EPHB2: variants seen among roughly 807,000 people sequenced by gnomAD.
EPHB2 encodes ephrin type-B receptor 2.
Under a neutral mutation model 96.4 loss-of-function variants are expected in EPHB2, and 18 were observed. That is an observed-to-expected ratio of 0.19 (90% CI 0.13 to 0.28). The LOEUF (loss-of-function observed/expected upper bound fraction) is 0.28. EPHB2 is among the 10% of genes least tolerant of loss of function. The pLI, the probability that EPHB2 is intolerant of heterozygous loss-of-function variation, is 1.00. For synonymous variants in EPHB2, 506 were observed against 534.1 expected, an observed-to-expected ratio of 0.95 and a Z score of 0.72; for missense variants, 989 against 1,355.4, an observed-to-expected ratio of 0.73 and a Z score of 4.25.
intron 1 of EPHB2, among the ~76,000 whole-genome samples, chr1:22,765,999 T>C (rs2817884): frequency 0.99 from 151,275 of 152,278 alleles, 75,147 homozygotes; most frequent in Middle Eastern, 1. Context: ...ATTCCCTGTT[T>C]GTGGCATCCT....
chr1:22,746,626 C>T (rs557385890), intron 1 of EPHB2, among the ~76,000 whole-genome samples: 6 of 152,316 alleles, frequency 3.9e-5, no homozygotes, highest in South Asian at 4.1e-4. Flanking sequence ...CTTCCATGAT[C>T]GACCACCTAC....
chr1:22,852,864 C>T (rs1452085942), intron 3 of EPHB2, among the ~76,000 whole-genome samples: 1 of 152,134 alleles, frequency 6.6e-6, no homozygotes, highest in Non-Finnish European at 1.5e-5. Flanking sequence ...CAGTGGCTGC[C>T]CTCATGGAGC....
chr1:22,909,217 G>C, intron 13 of EPHB2, 46 bp downstream of exon 13: 5 of 1,613,872 alleles, frequency 3.1e-6, no homozygotes, highest in Non-Finnish European at 4.2e-6. Context: ...CCCACCAGAT[G>C]GGAGAGGGAA....
At chr1:22,821,376 A>G (rs979736683) in intron 3 of EPHB2, among the ~76,000 whole-genome samples, 1 of 152,192 alleles carries the variant, frequency 6.6e-6, no homozygotes, top group Non-Finnish European at 1.5e-5. Flanking sequence ...TGGGACAATC[A>G]TCAGTGACTT....
At chr1:22,807,021 G>A (rs546600896) in intron 3 of EPHB2, among the ~76,000 whole-genome samples, 1 of 152,316 alleles carries the variant, frequency 6.6e-6, no homozygotes, top group Non-Finnish European at 1.5e-5. Flanking sequence ...CAGCTAGGCG[G>A]GGGAGCAGGA....
chr1:22,844,467 A>G (rs1645513051), intron 3 of EPHB2, among the ~76,000 whole-genome samples: 2 of 152,210 alleles, frequency 1.3e-5, no homozygotes, highest in Admixed American at 6.5e-5. Context: ...GCAGCTGTCT[A>G]TAGTGAGAGG....
At chr1:22,842,417 A>T (rs1347293257) in intron 3 of EPHB2, among the ~76,000 whole-genome samples, 1 of 151,908 alleles carries the variant, frequency 6.6e-6, no homozygotes, top group Non-Finnish European at 1.5e-5. Context: ...GTTAGATCTG[A>T]CCGCCCCTTT....
chr1:22,912,308 A>C, intron 14 of EPHB2, 136 bp from the exon 15 acceptor site: 1 of 1,261,654 alleles, frequency 7.9e-7, no homozygotes, highest in Non-Finnish European at 1.1e-6. Flanking sequence ...ATACTCACGT[A>C]CATACCCCTT....
At position 22,907,813 on chromosome 1, in the gene EPHB2, C is replaced by T. The variant is rs111404899; in HGVS notation, c.2137-140C>T. The T allele has an allele frequency of 3.4e-5, 35 of 1,041,808 alleles. No individual in the cohort carries two copies. In the African/African-American group the frequency reaches 3.8e-4, roughly 11 times the overall value. 64.5% of individuals were successfully genotyped at this position (1,041,808 alleles called of 1,614,324 possible). On this transcript the variant is annotated intron_variant, in intron 11 of 15. Coordinates refer to ENST00000374630, the MANE Select transcript of EPHB2 (RefSeq NM_017449.5). The stretch of plus-strand genomic sequence containing the variant: ...GCCTCTGACGGGCCTCTCTGGGGTC[C>T]CAAAGCATCTGAGTCCTTCCCCAGG...
intron 7 of EPHB2, among the ~76,000 whole-genome samples, chr1:22,894,521 C>T (rs1016944913): frequency 4.0e-5 from 6 of 150,940 alleles, no homozygotes; most frequent in African/African-American, 7.3e-5. Flanking sequence ...CGCTTGAACC[C>T]GGGAAGCAGA....
At chr1:22,865,968 G>A (rs1284366612) in intron 5 of EPHB2, among the ~76,000 whole-genome samples, 1 of 151,810 alleles carries the variant, frequency 6.6e-6, no homozygotes, top group Admixed American at 6.6e-5. Flanking sequence ...GAAGTTGCCG[G>A]CCACCACAGT....
chr1:22,882,681 G>C (rs1361362235), intron 6 of EPHB2, 198 bp downstream of exon 6: 1 of 689,808 alleles, frequency 1.4e-6, no homozygotes, highest in East Asian at 3.3e-5. Flanking sequence ...CAGGTGCCTT[G>C]ACCTCTCTGG....
At chr1:22,880,486 T>G (rs1282815187) in intron 5 of EPHB2, among the ~76,000 whole-genome samples, 2 of 152,190 alleles carry the variant, frequency 1.3e-5, no homozygotes, top group Non-Finnish European at 2.9e-5. Flanking sequence ...TTCACCCTGG[T>G]GAGTCCTCAG....
chr1:22,862,065 G>A (rs1477529975), intron 3 of EPHB2, among the ~76,000 whole-genome samples: 1 of 152,234 alleles, frequency 6.6e-6, no homozygotes, highest in African/African-American at 2.4e-5. Context: ...GCTGAAGCTG[G>A]GAGAGGGGCA....
At chr1:22,770,064 G>T (rs1175899179) in intron 1 of EPHB2, among the ~76,000 whole-genome samples, 1 of 152,160 alleles carries the variant, frequency 6.6e-6, no homozygotes, top group Non-Finnish European at 1.5e-5. Flanking sequence ...ATAGCTGCTT[G>T]GATTGGGTGA....
At chr1:22,736,653 C>T (rs568164845) in intron 1 of EPHB2, among the ~76,000 whole-genome samples, 6 of 152,330 alleles carry the variant, frequency 3.9e-5, no homozygotes, top group African/African-American at 1.4e-4. Context: ...GCAGCCTCCG[C>T]AGCGCGGCAT....
intron 3 of EPHB2, among the ~76,000 whole-genome samples, chr1:22,801,069 G>C (rs1032448087): frequency 1.3e-5 from 2 of 152,198 alleles, no homozygotes; most frequent in Admixed American, 1.3e-4. Flanking sequence ...CAGGGGGCAG[G>C]CTCCCTGGCC....
chr1:22,854,991 A>G (rs760360316), intron 3 of EPHB2, among the ~76,000 whole-genome samples: 57 of 152,272 alleles, frequency 3.7e-4, no homozygotes, highest in Non-Finnish European at 7.6e-4. Context: ...GAAAATATGC[A>G]AATCAGTCTT....
chr1:22,901,982 T>A (rs1639768132), intron 9 of EPHB2, among the ~76,000 whole-genome samples: 1 of 152,148 alleles, frequency 6.6e-6, no homozygotes, highest in Non-Finnish European at 1.5e-5. Context: ...TGCACTGCCA[T>A]GCCTGGCTAA....
Sources: allele counts gnomAD v4.1 joint callset (sites outside exome capture counted in the v4.1 genomes callset), GRCh38; gene constraint gnomAD v4.1.1; transcripts MANE v1.5; gene names NCBI Gene and HGNC (gene_info 2026-07-23, HGNC 2026-07-21).